The following SMIM20 variants were observed in gnomAD, a reference collection of about 807,000 sequenced individuals.
The protein encoded by SMIM20 is small integral membrane protein 20.
Under a neutral mutation model 8.7 loss-of-function variants are expected in SMIM20, and 3 were observed. That is an observed-to-expected ratio of 0.34 (90% CI 0.16 to 0.89). The LOEUF is 0.89. Ranked by LOEUF, SMIM20 falls within the 40% of genes least tolerant of loss-of-function variation. The pLI, the probability that SMIM20 is intolerant of heterozygous loss-of-function variation, is 0.49. For synonymous variants in SMIM20, 44 were observed against 33.6 expected (o/e 1.31, Z -1.07); for missense variants, 85 against 84.8 (o/e 1.00, Z -0.01).
chr4:25,918,597 G>A (rs995379128), intron 1 of SMIM20, among the ~76,000 whole-genome samples: 3 of 151,642 alleles, frequency 2.0e-5, no homozygotes, highest in African/African-American at 7.3e-5. Flanking sequence ...TGCAACCTCC[G>A]CTTCCCAGGT....
At chr4:25,917,801 A>G (rs139500453) in intron 1 of SMIM20, among the ~76,000 whole-genome samples, 1,546 of 152,270 alleles carry the variant, frequency 0.01, 12 homozygotes, top group Admixed American at 0.021. Context: ...CCTAGCAGCC[A>G]CAGTGGTCTT....
chr4:25,915,140 C>T (rs181312969), intron 1 of SMIM20, among the ~76,000 whole-genome samples: 2 of 152,192 alleles, frequency 1.3e-5, no homozygotes, highest in East Asian at 1.9e-4. Flanking sequence ...ATTGTTTTTC[C>T]GATTCTGCTT....
At chr4:25,924,629 T>C (rs1719255518) in intron 1 of SMIM20, among the ~76,000 whole-genome samples, 1 of 152,206 alleles carries the variant, frequency 6.6e-6, no homozygotes, top group Admixed American at 6.5e-5. Flanking sequence ...TACATACATA[T>C]ATACAGATAT....
intron 1 of SMIM20, among the ~76,000 whole-genome samples, chr4:25,916,658 T>G (rs1719098802): frequency 6.6e-6 from 1 of 152,140 alleles, no homozygotes; most frequent in African/African-American, 2.4e-5. Context: ...CAGGTTCAAG[T>G]GATTCTTGTG....
chr4:25,915,049 C>G (rs1456851491), intron 1 of SMIM20, among the ~76,000 whole-genome samples: 1 of 152,076 alleles, frequency 6.6e-6, no homozygotes, highest in Non-Finnish European at 1.5e-5. Flanking sequence ...TTCCACTCCC[C>G]AAGATGTTTT....
rs1257188224 is a variant in SMIM20 at position 25,914,266 on chromosome 4, G to A, written c.-48G>A. 8.5e-6 allele frequency: 13 copies of A among 1,524,816 alleles called. No individual in the cohort carries two copies. Among genetic ancestry groups the A allele is most frequent in the African/African-American group, 8.3e-5 (6 of 72,082 alleles). 94.5% of individuals were successfully genotyped at this position (1,524,816 alleles called of 1,614,324 possible). On this transcript the variant is annotated 5_prime_UTR_variant, in exon 1 of 3. Transcript: ENST00000506197. ...CCCGGCCGTCGGTAACCTGGTTTCC[G>A]AGAGTGCCGGGCGGTCGGCGGGTCA...
chr4:25,929,345 CA>C lies in SMIM20; in HGVS notation c.*156del, dbSNP rs1711589506. 2 of 669,832 alleles carry C rather than the reference CA, an allele frequency of 3.0e-6. No individual in the cohort carries two copies. Among genetic ancestry groups the C allele is most frequent in the Admixed American group, 3.3e-5 (1 of 30,582 alleles). 41.5% of individuals were successfully genotyped at this position (669,832 alleles called of 1,614,324 possible). A position where few individuals can be genotyped will look rare whatever the true frequency, so the allele number is the denominator to read the frequency against. Reference sequence around the variant, plus strand: ...AGTGCTTGTAATAAAAGACTGTGCACAAGGATTAATATTTCCCTTCTTAAGT... The same window carrying C: ...AGTGCTTGTAATAAAAGACTGTGCACAGGATTAATATTTCCCTTCTTAAGT... On this transcript the variant is annotated 3_prime_UTR_variant, in exon 3 of 3. Coordinates refer to ENST00000506197, the MANE Select transcript of SMIM20 (RefSeq NM_001145432.3).
At chr4:25,923,422 A>T (rs1475230886) in intron 1 of SMIM20, among the ~76,000 whole-genome samples, 1 of 152,220 alleles carries the variant, frequency 6.6e-6, no homozygotes, top group Non-Finnish European at 1.5e-5. Context: ...GCATAAAATC[A>T]TAGGGTTTGA....
intron 1 of SMIM20, among the ~76,000 whole-genome samples, chr4:25,921,028 G>A (rs1247586090): frequency 3.9e-5 from 6 of 152,218 alleles, no homozygotes; most frequent in African/African-American, 1.4e-4. Flanking sequence ...CCACAGATGA[G>A]TGACACAGGA....
intron 1 of SMIM20, among the ~76,000 whole-genome samples, chr4:25,927,154 G>T (rs1413534158): frequency 6.6e-6 from 1 of 152,226 alleles, no homozygotes; most frequent in Non-Finnish European, 1.5e-5. Context: ...GAAACCATCA[G>T]GCCGCTTGTT....
intron 2 of SMIM20, among the ~76,000 whole-genome samples, 171 bp from the exon 3 acceptor site, chr4:25,928,983 A>G (rs1423460197): frequency 6.6e-6 from 1 of 152,216 alleles, no homozygotes; most frequent in African/African-American, 2.4e-5. Flanking sequence ...TATGGCAGCC[A>G]TGGCTTCCTG....
chr4:25,919,712 C>G (rs1329126751), intron 1 of SMIM20, among the ~76,000 whole-genome samples: 1 of 152,144 alleles, frequency 6.6e-6, no homozygotes, highest in African/African-American at 2.4e-5. Context: ...TTATTCTTCT[C>G]TTCCCGCTAC....
intron 1 of SMIM20, among the ~76,000 whole-genome samples, chr4:25,917,306 G>A (rs1452776531): frequency 1.3e-5 from 2 of 152,012 alleles, no homozygotes; most frequent in Admixed American, 6.6e-5. Flanking sequence ...TAGCAGTGTA[G>A]TTCACTGGAT....
At chr4:25,923,951 C>T (rs1358094317) in intron 1 of SMIM20, among the ~76,000 whole-genome samples, 1 of 152,220 alleles carries the variant, frequency 6.6e-6, no homozygotes, top group Non-Finnish European at 1.5e-5. Context: ...TGCAGTGCTT[C>T]AAGTGGCTAC....
At chr4:25,921,034 C>G (rs971810992) in intron 1 of SMIM20, among the ~76,000 whole-genome samples, 8 of 152,200 alleles carry the variant, frequency 5.3e-5, no homozygotes, top group Admixed American at 1.3e-4. Context: ...ATGAGTGACA[C>G]AGGACTGTAT....
At chr4:25,922,765 G>T (rs1342430788) in intron 1 of SMIM20, among the ~76,000 whole-genome samples, 1 of 152,208 alleles carries the variant, frequency 6.6e-6, no homozygotes, top group Non-Finnish European at 1.5e-5. Context: ...GCTGGCAACT[G>T]GCAAGGCAGT....
intron 1 of SMIM20, among the ~76,000 whole-genome samples, chr4:25,927,262 C>T (rs764012167): frequency 1.3e-5 from 2 of 152,138 alleles, no homozygotes; most frequent in Non-Finnish European, 2.9e-5. Flanking sequence ...GTTTTATTTG[C>T]CACAGCAAAA....
chr4:25,927,798 A>G (rs1283950701), intron 1 of SMIM20, among the ~76,000 whole-genome samples: 1 of 152,250 alleles, frequency 6.6e-6, no homozygotes, highest in African/African-American at 2.4e-5. Context: ...CAATTAGGGA[A>G]GCTTCAATTA....
chr4:25,918,936 C>T (rs1194387659), intron 1 of SMIM20, among the ~76,000 whole-genome samples: 5 of 113,880 alleles, frequency 4.4e-5, no homozygotes, highest in Admixed American at 1.3e-4. Flanking sequence ...CTCGCTCTGT[C>T]GCCCAGGCCG....
Sources: gnomAD v4.1 joint callset for allele counts (sites outside exome capture counted in the v4.1 genomes callset) on GRCh38, gnomAD v4.1.1 for gene constraint, MANE v1.5 for transcripts, NCBI Gene and HGNC (gene_info 2026-07-23, HGNC 2026-07-21) for gene names.